SZRD1: variants seen among roughly 807,000 people sequenced by gnomAD.
SZRD1 encodes SUZ RNA-binding domain-containing.
SZRD1 carries 7 observed loss-of-function variants against 17.6 expected under a neutral mutation model. The ratio of observed to expected loss-of-function variants is 0.40; its 90% CI spans 0.23 to 0.75. SZRD1 has a LOEUF of 0.75. SZRD1 is among the 30% of genes least tolerant of loss of function. The pLI is 0.38. For synonymous variants in SZRD1, 77 were observed against 77.9 expected, an observed-to-expected ratio of 0.99 and a Z score of 0.06; for missense variants, 178 against 201.8, an observed-to-expected ratio of 0.88 and a Z score of 0.71.
intron 1 of SZRD1, among the ~76,000 whole-genome samples, chr1:16,370,787 C>T (rs2082901484): frequency 6.6e-6 from 1 of 152,184 alleles, no homozygotes; most frequent in African/African-American, 2.4e-5. Context: ...TAGGCATGAG[C>T]CACTGCCCTC....
rs765857454 is a variant in SZRD1, at chr1:16,393,478, G to A, written c.352G>A (p.Asp118Asn). Residue 118 changes from aspartate to asparagine, a missense_variant, in exon 3 of 4, where the codon GAC (aspartate) becomes AAC (asparagine). By Grantham distance (23) the Asp-to-Asn change is conservative. This residue lies in a region of SZRD1 where 57 missense variants were observed against 71.9 expected (regional missense o/e 0.79). Transcript: ENST00000401088. This position sits in a 1 kb window ranked among gnomAD's most constrained non-coding sequence, Gnocchi z 5.6. ...GGAGGAGCAGGAGAAACCCATCCTC[G>A]ACAGGTGAGTGTGGCTGGCAGGGCC... is the stretch of plus-strand genomic sequence containing the variant. ...PEEEQEKPIL[D>N]RPTRISQPED... 50 of 1,609,336 alleles carry A rather than the reference G, an allele frequency of 3.1e-5. No homozygotes were observed. The highest frequency in any genetic ancestry group is 3.2e-5 in the Non-Finnish European group (38 of 1,178,320).
intron 1 of SZRD1, among the ~76,000 whole-genome samples, chr1:16,372,163 C>T (rs886206767): frequency 1.3e-5 from 2 of 151,942 alleles, no homozygotes; most frequent in Non-Finnish European, 2.9e-5. Flanking sequence ...TCCTATATCC[C>T]CAATTGTTTA....
intron 1 of SZRD1, among the ~76,000 whole-genome samples, chr1:16,371,555 G>A (rs1292646856): frequency 6.6e-6 from 1 of 150,406 alleles, no homozygotes; most frequent in African/African-American, 2.5e-5. Context: ...TCCGCCTCCC[G>A]GGTTCACACC....
At chr1:16,381,782 A>G (rs2083109222) in intron 1 of SZRD1, among the ~76,000 whole-genome samples, 1 of 151,374 alleles carries the variant, frequency 6.6e-6, no homozygotes, top group African/African-American at 2.4e-5. Context: ...AAATACAAAA[A>G]TTAGCCGGGT....
intron 1 of SZRD1, among the ~76,000 whole-genome samples, chr1:16,385,134 C>G (rs1251319368): frequency 1.3e-5 from 2 of 152,122 alleles, no homozygotes; most frequent in African/African-American, 4.8e-5. Context: ...TAAGATTGCT[C>G]TATTTCTTGG....
intron 1 of SZRD1, chr1:16,367,585 A>C: frequency 8.3e-6 from 4 of 480,608 alleles, no homozygotes; most frequent in Non-Finnish European, 1.1e-5. Context: ...TCCTTTCCTG[A>C]CCCCCCGCGC....
chr1:16,374,006 C>G lies in SZRD1; in HGVS notation c.51+6698C>G, dbSNP rs117716964. The stretch of plus-strand genomic sequence containing the variant: ...TGTGACTGCCGCTTCACTCTGGGGT[C>G]CCCAATGCTTTGTGTAGCTGCTGTC... On this transcript the variant is annotated intron_variant, in intron 1 of 3. Transcript: ENST00000401088. 7.3e-4 allele frequency among the ~76,000 whole-genome samples: 111 copies of G among 152,260 alleles called. 3 individuals carry two copies. The East Asian group carries it at 0.02, about 27-fold the overall frequency.
intron 2 of SZRD1, among the ~76,000 whole-genome samples, chr1:16,392,032 G>A (rs1405354389): frequency 6.6e-6 from 1 of 152,090 alleles, no homozygotes; most frequent in Non-Finnish European, 1.5e-5. Flanking sequence ...GGAGGATAGG[G>A]CCCCTCTGGA....
rs1159967607 is a variant in SZRD1 at position 16,371,464 on chromosome 1, C to CT, written c.51+4168dup. Among the ~76,000 whole-genome samples, 624 of 133,116 alleles carry CT rather than the reference C, an allele frequency of 4.7e-3. 5 individuals are homozygous for CT. The highest frequency in any genetic ancestry group is 0.015 in the African/African-American group (514 of 35,216). The allele number at this position is 133,116 out of a possible 152,430, so 87.3% of individuals were successfully genotyped here. On this transcript the variant is annotated intron_variant, in intron 1 of 3. Transcript: ENST00000401088. ...CTTTTTTTTCCTTTTTTTTTTTCCC[C>CT]TTTTTTTTTTTTCCCGAGATGGAGT...
intron 2 of SZRD1, among the ~76,000 whole-genome samples, chr1:16,392,605 G>A (rs1013636466): frequency 1.1e-4 from 16 of 152,214 alleles, no homozygotes; most frequent in Non-Finnish European, 4.4e-5. Context: ...GGCAAGGGAG[G>A]TTTCTCTGTT....
At position 16,376,119 on chromosome 1, in the gene SZRD1, A is replaced by G. The variant is rs573869077; in HGVS notation, c.51+8811A>G. Among the ~76,000 whole-genome samples, 6 of 152,270 alleles carry G rather than the reference A, an allele frequency of 3.9e-5. No homozygotes were observed. In the South Asian group the frequency reaches 6.2e-4, roughly 16 times the overall value. On this transcript the variant is annotated intron_variant, in intron 1 of 3. Coordinates refer to ENST00000401088, the MANE Select transcript of SZRD1 (RefSeq NM_001114600.3). Reference sequence around the variant, plus strand: ...AGTGACCTTGTGAGGTGTAGGTGCTATTATTCCTGGTCCGGGGAGGAAATC... The same window carrying G: ...AGTGACCTTGTGAGGTGTAGGTGCTGTTATTCCTGGTCCGGGGAGGAAATC...
Position 16,393,531 on chromosome 1 carries a change from C to T in SZRD1, c.356+49C>T, listed in dbSNP as rs778429846. 9.7e-6 allele frequency: 15 copies of T among 1,551,784 alleles called. No homozygotes were observed. The highest frequency in any genetic ancestry group is 1.7e-4 in the Middle Eastern group (1 of 5,950). ...CCAGTGATGGCTGTCCCAGTCCACC[C>T]GGGAAGAGGAGAGCATCCTGGCTGC... is the stretch of plus-strand genomic sequence containing the variant. On this transcript the variant is annotated intron_variant, in intron 3 of 3. Transcript: ENST00000401088. This position sits in a 1 kb window ranked among gnomAD's most constrained non-coding sequence, Gnocchi z 5.6.
intron 1 of SZRD1, among the ~76,000 whole-genome samples, chr1:16,381,472 G>A (rs192349559): frequency 1.3e-5 from 2 of 150,242 alleles, no homozygotes; most frequent in Admixed American, 6.7e-5. Flanking sequence ...CAGGAGAATC[G>A]CTTGAACCCC....
intron 1 of SZRD1, among the ~76,000 whole-genome samples, chr1:16,379,400 GC>G (rs1232163272): frequency 1.3e-5 from 2 of 152,188 alleles, no homozygotes; most frequent in African/African-American, 2.4e-5. Flanking sequence ...ACTACGCCCT[GC>G]CTTAGGGTTC....
chr1:16,387,053 A>C (rs919266916), intron 1 of SZRD1: 1 of 287,474 alleles, frequency 3.5e-6, no homozygotes, highest in Non-Finnish European at 6.8e-6. Flanking sequence ...TCTGCCAAAC[A>C]GGGCTGGTGT....
rs139795772 is a variant in SZRD1, at chr1:16,388,289, G to A, written c.52-3086G>A. Reference sequence around the variant, plus strand: ...TAATTTTTGTATTTTTAGTAGAGACGGGGTTTCACCTTGTTGACCAGGCTG... The same window carrying A: ...TAATTTTTGTATTTTTAGTAGAGACAGGGTTTCACCTTGTTGACCAGGCTG... On this transcript the variant is annotated intron_variant, in intron 1 of 3. Transcript: ENST00000401088. Among the ~76,000 whole-genome samples, 1,323 of 152,104 alleles carry A rather than the reference G, an allele frequency of 8.7e-3. 12 individuals carry two copies. The highest frequency in any genetic ancestry group is 0.03 in the African/African-American group (1,256 of 41,490).
intron 1 of SZRD1, chr1:16,387,304 A>C (rs1352613844): frequency 2.2e-6 from 1 of 456,412 alleles, no homozygotes; most frequent in East Asian, 7.0e-5. Context: ...CTTAAACCCT[A>C]GAGGAAGAAG....
At position 16,394,890 on chromosome 1, in the gene SZRD1, G is replaced by A. The variant is rs11806697; in HGVS notation, c.357-148G>A. On this transcript the variant is annotated intron_variant, in intron 3 of 3. Coordinates refer to ENST00000401088, the MANE Select transcript of SZRD1 (RefSeq NM_001114600.3). ...GGATCACTTGAACTCAGGAGGTGGG[G>A]GTTGCAGTGAGCGGAGATCGTGCCA... 1,379 of 606,514 alleles carry A rather than the reference G, an allele frequency of 2.3e-3. 10 individuals carry two copies. The African/African-American group carries it at 0.023, about 10-fold the overall frequency. 37.6% of individuals were successfully genotyped at this position (606,514 alleles called of 1,614,324 possible). A position where few individuals can be genotyped will look rare whatever the true frequency, so the allele number is the denominator to read the frequency against.
chr1:16,373,654 G>GT (rs1303526389), intron 1 of SZRD1, among the ~76,000 whole-genome samples: 1 of 151,184 alleles, frequency 6.6e-6, no homozygotes, highest in Non-Finnish European at 1.5e-5. Context: ...GCTGAGCGCA[G>GT]TGGTGCAATG....
Sources: allele counts gnomAD v4.1 joint callset (sites outside exome capture counted in the v4.1 genomes callset), GRCh38; gene constraint gnomAD v4.1.1; regional missense constraint gnomAD v4.1.1; non-coding constraint Gnocchi (gnomAD v3.1); transcripts MANE v1.5; gene names NCBI Gene and HGNC (gene_info 2026-07-23, HGNC 2026-07-21).